LHFPL3: variants seen among roughly 807,000 people sequenced by gnomAD.
The protein encoded by LHFPL3 is LHFPL tetraspan subfamily member 3.
Under a neutral mutation model 19.3 loss-of-function variants are expected in LHFPL3, and 5 were observed. The ratio of observed to expected loss-of-function variants is 0.26; its 90% CI spans 0.14 to 0.54. LHFPL3 has a LOEUF of 0.54. Among genes scored for constraint, LHFPL3 ranks in the 20% least tolerant of loss-of-function variants. The probability of loss-of-function intolerance (pLI) is 0.94; values close to 1 mark genes in which losing one functional copy is unlikely to be tolerated. For missense variants in LHFPL3, 249 were observed against 307.4 expected (o/e 0.81, Z 1.42); for synonymous variants, 133 against 126.2 (o/e 1.05, Z -0.36).
chr7:104,375,756 C>G (rs1351986531), intron 1 of LHFPL3, among the ~76,000 whole-genome samples: 1 of 152,184 alleles, frequency 6.6e-6, no homozygotes, highest in African/African-American at 2.4e-5. Context: ...GATTCTTTAC[C>G]TAACTAAAGG....
chr7:104,425,003 A>G (rs887213736), intron 1 of LHFPL3, among the ~76,000 whole-genome samples: 2 of 147,684 alleles, frequency 1.4e-5, no homozygotes, highest in Non-Finnish European at 2.9e-5. Context: ...AAAAAAAAAA[A>G]AAGAAGTATC....
At chr7:104,545,412 G>A (rs866625971) in intron 1 of LHFPL3, among the ~76,000 whole-genome samples, 2 of 152,086 alleles carry the variant, frequency 1.3e-5, no homozygotes, top group Admixed American at 6.6e-5. Context: ...TCTAGTGCTG[G>A]CCTTCAGGAA....
intron 1 of LHFPL3, among the ~76,000 whole-genome samples, chr7:104,384,787 CAAAAAAAAAAAAA>C (rs771136918): frequency 1.2e-4 from 9 of 74,562 alleles, no homozygotes; most frequent in South Asian, 1.0e-3. Context: ...AACTCTATTT[CAAAAAAAAAAAAA>C]AAAAAAAAAA....
intron 1 of LHFPL3, among the ~76,000 whole-genome samples, chr7:104,671,794 C>T (rs1792488072): frequency 6.6e-6 from 1 of 152,096 alleles, no homozygotes; most frequent in South Asian, 2.1e-4. Context: ...CAGTTACTTT[C>T]CATTCATTAT....
chr7:104,670,782 T>C lies in LHFPL3; in HGVS notation c.446-65893T>C, dbSNP rs1319556928. On this transcript the variant is annotated intron_variant, in intron 1 of 2. Transcript: ENST00000424859. Reference sequence around the variant, plus strand: ...TTCTTACAACCTTGATGGGTTTTTTTCCCCCCAAGTTTCCTTCTCCACTGA... The same window carrying C: ...TTCTTACAACCTTGATGGGTTTTTTCCCCCCCAAGTTTCCTTCTCCACTGA... Among the ~76,000 whole-genome samples, 5 of 152,008 alleles carry C rather than the reference T, an allele frequency of 3.3e-5. No individual in the cohort carries two copies. The East Asian group carries it at 7.7e-4, about 23-fold the overall frequency.
chr7:104,404,020 T>C (rs920597419), intron 1 of LHFPL3, among the ~76,000 whole-genome samples: 4 of 152,240 alleles, frequency 2.6e-5, no homozygotes, highest in Non-Finnish European at 5.9e-5. Flanking sequence ...ACGTACTGTC[T>C]GTGGCTGCCC....
intron 1 of LHFPL3, among the ~76,000 whole-genome samples, chr7:104,735,400 T>A (rs1793792600): frequency 6.6e-6 from 1 of 152,256 alleles, no homozygotes; most frequent in Non-Finnish European, 1.5e-5. Context: ...GTTTACCTAC[T>A]CAAGCCTTGG....
At chr7:104,789,798 G>T (rs1401685422) in intron 2 of LHFPL3, among the ~76,000 whole-genome samples, 1 of 152,084 alleles carries the variant, frequency 6.6e-6, no homozygotes, top group African/African-American at 2.4e-5. Context: ...GGAAGCTGTG[G>T]TTGACTTAGA....
intron 1 of LHFPL3, among the ~76,000 whole-genome samples, chr7:104,571,744 G>T (rs954102526): frequency 2.0e-5 from 3 of 152,126 alleles, no homozygotes; most frequent in African/African-American, 7.2e-5. Context: ...AGCCCTGTAG[G>T]TATTTGCAGA....
intron 1 of LHFPL3, among the ~76,000 whole-genome samples, chr7:104,636,129 G>A (rs1048082774): frequency 6.6e-6 from 1 of 152,138 alleles, no homozygotes; most frequent in Non-Finnish European, 1.5e-5. Context: ...AATATGTATG[G>A]ACTTAACCAA....
intron 1 of LHFPL3, among the ~76,000 whole-genome samples, chr7:104,330,048 T>G (rs1476175539): frequency 6.6e-6 from 1 of 152,250 alleles, no homozygotes; most frequent in Non-Finnish European, 1.5e-5. Flanking sequence ...GATAAATTGT[T>G]GCTAGCTGGA....
intron 1 of LHFPL3, among the ~76,000 whole-genome samples, chr7:104,615,340 T>C (rs1791311964): frequency 6.6e-6 from 1 of 152,218 alleles, no homozygotes; most frequent in South Asian, 2.1e-4. Context: ...AAATAAAGCA[T>C]TAACAATCGC....
intron 2 of LHFPL3, among the ~76,000 whole-genome samples, chr7:104,771,625 G>T (rs1305827522): frequency 6.6e-6 from 1 of 151,678 alleles, no homozygotes. Flanking sequence ...ACAGCCCAAT[G>T]AATATTGATA....
chr7:104,734,712 T>C (rs1793771660), intron 1 of LHFPL3, among the ~76,000 whole-genome samples: 1 of 152,256 alleles, frequency 6.6e-6, no homozygotes, highest in Admixed American at 6.5e-5. Flanking sequence ...CCTTCTTCTC[T>C]CAACTCGTCA....
intron 1 of LHFPL3, among the ~76,000 whole-genome samples, chr7:104,369,470 C>T (rs1007729715): frequency 1.3e-5 from 2 of 152,092 alleles, no homozygotes; most frequent in Admixed American, 1.3e-4. Context: ...TATGATTCTC[C>T]CAGTTGATGG....
chr7:104,653,433 G>T (rs765488154), intron 1 of LHFPL3, among the ~76,000 whole-genome samples: 3 of 152,178 alleles, frequency 2.0e-5, no homozygotes, highest in South Asian at 4.1e-4. Flanking sequence ...AGGCCCTAAG[G>T]CCCCATAGAG....
At chr7:104,885,730 CT>C (rs1306389062) in intron 2 of LHFPL3, among the ~76,000 whole-genome samples, 1 of 152,150 alleles carries the variant, frequency 6.6e-6, no homozygotes, top group East Asian at 1.9e-4. Flanking sequence ...CTTCTTGTCA[CT>C]CACTCACTCA....
At chr7:104,405,207 A>T (rs1021966675) in intron 1 of LHFPL3, among the ~76,000 whole-genome samples, 1 of 152,208 alleles carries the variant, frequency 6.6e-6, no homozygotes, top group African/African-American at 2.4e-5. Context: ...TGAGCCTAGC[A>T]AAACAATTTC....
chr7:104,696,462 G>A (rs926566618), intron 1 of LHFPL3, among the ~76,000 whole-genome samples: 1 of 152,008 alleles, frequency 6.6e-6, no homozygotes, highest in Non-Finnish European at 1.5e-5. Flanking sequence ...GTGTGTGTGT[G>A]TGTGTGTGTG....
Sources: allele counts gnomAD v4.1 joint callset (sites outside exome capture counted in the v4.1 genomes callset), GRCh38; gene constraint gnomAD v4.1.1; transcripts MANE v1.5; gene names NCBI Gene and HGNC (gene_info 2026-07-23, HGNC 2026-07-21).